RAB8B: variants seen among roughly 807,000 people sequenced by gnomAD.
The protein encoded by RAB8B is RAB8B, member RAS oncogene family, also known as ras-related protein Rab-8B.
In RAB8B, 11 loss-of-function variants were observed where a neutral mutation model predicts 32.0. The ratio of observed to expected loss-of-function variants is 0.34; its 90% CI spans 0.22 to 0.57. RAB8B has a LOEUF of 0.57. Among genes scored for constraint, RAB8B ranks in the 20% least tolerant of loss-of-function variants. RAB8B has a pLI of 0.86. For missense variants in RAB8B, 190 were observed against 258.5 expected (o/e 0.73, Z 1.82); for synonymous variants, 103 against 89.6 (o/e 1.15, Z -0.85).
chr15:63,240,167 C>T (rs2038020358), intron 1 of RAB8B, among the ~76,000 whole-genome samples: 1 of 152,124 alleles, frequency 6.6e-6, no homozygotes, highest in Non-Finnish European at 1.5e-5. Flanking sequence ...TCCACGGCTT[C>T]TTAAATAGTG....
intron 1 of RAB8B, 73 bp downstream of exon 1, chr15:63,189,821 G>A: frequency 1.5e-6 from 2 of 1,376,902 alleles, no homozygotes; most frequent in South Asian, 1.3e-5. Context: ...GGAAAGGGCG[G>A]GGGGCGCTTG....
At chr15:63,258,378 C>T (rs1427571051) in intron 5 of RAB8B, among the ~76,000 whole-genome samples, 1 of 152,170 alleles carries the variant, frequency 6.6e-6, no homozygotes, top group Non-Finnish European at 1.5e-5. Context: ...GCTGGGATTA[C>T]AGGCGTGAGC....
At chr15:63,202,584 AGT>A (rs992548323) in intron 1 of RAB8B, among the ~76,000 whole-genome samples, 1 of 152,170 alleles carries the variant, frequency 6.6e-6, no homozygotes, top group Non-Finnish European at 1.5e-5. Context: ...CAGAAATCTC[AGT>A]GTTGTCTGTC....
intron 1 of RAB8B, among the ~76,000 whole-genome samples, chr15:63,240,806 CAAAAAAAA>C (rs11312318): frequency 8.8e-6 from 1 of 113,802 alleles, no homozygotes; most frequent in South Asian, 2.7e-4. Flanking sequence ...ATGTTCCTAA[CAAAAAAAA>C]AAAAAAAAAA....
chr15:63,212,056 C>T (rs1000564345), intron 1 of RAB8B, among the ~76,000 whole-genome samples: 1 of 152,080 alleles, frequency 6.6e-6, no homozygotes, highest in Non-Finnish European at 1.5e-5. Context: ...TGGTCTTGAA[C>T]TCCTGGGCTC....
rs547973551 is a variant in RAB8B, at chr15:63,252,811, C to T, written c.247-2696C>T. On this transcript the variant is annotated intron_variant, in intron 3 of 7. Coordinates refer to ENST00000321437, the MANE Select transcript of RAB8B (RefSeq NM_016530.3). ...TTGCCCAGGCTGGAGTGCAATGGCA[C>T]GATCTCGGCTCACTGCAACCTCCAC... Among the ~76,000 whole-genome samples, 57 of 150,798 alleles carry T rather than the reference C, an allele frequency of 3.8e-4. 2 individuals are homozygous for T. Among genetic ancestry groups the T allele is most frequent in the Admixed American group, 2.1e-3 (32 of 15,196 alleles).
Position 63,189,648 on chromosome 15 carries a change from C to G in RAB8B, c.24C>G (p.Leu8=). The change falls in exon 1 of 8, where the codon CTC becomes CTG. Residue 8 remains leucine (L), a synonymous_variant. Transcript: ENST00000321437. MAKTYDY[L]FKLLLIGDSG... ...AGATGGCGAAGACGTACGATTATCT[C>G]TTCAAGCTCCTGCTGATCGGCGACT... The G allele has an allele frequency of 6.2e-7, 1 of 1,614,002 alleles. No individual in the cohort carries two copies. Among genetic ancestry groups the G allele is most frequent in the Non-Finnish European group, 8.5e-7 (1 of 1,179,914 alleles).
intron 1 of RAB8B, among the ~76,000 whole-genome samples, chr15:63,220,213 T>C (rs756835829): frequency 5.3e-5 from 8 of 152,246 alleles, no homozygotes; most frequent in African/African-American, 1.9e-4. Context: ...GTGGTTAGAA[T>C]TGAGACAATG....
In RAB8B at chr15:63,263,990, A is replaced by G. The variant is rs1439607491; in HGVS notation, c.*371A>G. 1 of 168,870 alleles carries G rather than the reference A, an allele frequency of 5.9e-6. No homozygotes were observed. Among genetic ancestry groups the G allele is most frequent in the Non-Finnish European group, 1.3e-5 (1 of 77,532 alleles). The allele number at this position is 168,870 out of a possible 1,614,324, so 10.5% of individuals were successfully genotyped here. A position where few individuals can be genotyped will look rare whatever the true frequency, so the allele number is the denominator to read the frequency against. On this transcript the variant is annotated 3_prime_UTR_variant, in exon 8 of 8. Coordinates refer to ENST00000321437, the MANE Select transcript of RAB8B (RefSeq NM_016530.3). The stretch of plus-strand genomic sequence containing the variant: ...ACACTTTTGTGTCGTGAAGTTCTAG[A>G]CAAATTTGTACATGTGGCAATGTTA...
At chr15:63,246,168 C>T (rs1345242148) in intron 2 of RAB8B, among the ~76,000 whole-genome samples, 1 of 152,194 alleles carries the variant, frequency 6.6e-6, no homozygotes, top group Non-Finnish European at 1.5e-5. Flanking sequence ...CCACTGCACC[C>T]GGCCAATAAA....
chr15:63,219,048 C>T (rs1308503705), intron 1 of RAB8B, among the ~76,000 whole-genome samples: 1 of 118,182 alleles, frequency 8.5e-6, no homozygotes, highest in Non-Finnish European at 1.6e-5. Flanking sequence ...GGAAAGAGAT[C>T]ACCAGGTGCC....
intron 1 of RAB8B, 70 bp downstream of exon 1, chr15:63,189,818 G>T (rs1674672405): frequency 1.3e-6 from 1 of 769,274 alleles, no homozygotes; most frequent in Non-Finnish European, 1.9e-6. Flanking sequence ...CGGGGAAAGG[G>T]CGGGGGGCGC....
chr15:63,236,102 A>G (rs117034065), intron 1 of RAB8B, among the ~76,000 whole-genome samples: 4,575 of 152,316 alleles, frequency 0.03, 121 homozygotes, highest in Non-Finnish European at 0.048. Flanking sequence ...TTAGCCACAC[A>G]GACAGGACTG....
intron 1 of RAB8B, among the ~76,000 whole-genome samples, chr15:63,226,317 G>A (rs191454576): frequency 1.3e-5 from 2 of 152,242 alleles, no homozygotes; most frequent in East Asian, 1.9e-4. Context: ...TCAGTTTTCT[G>A]TTCTACAATT....
chr15:63,206,719 T>C (rs1477314654), intron 1 of RAB8B, among the ~76,000 whole-genome samples: 1 of 152,048 alleles, frequency 6.6e-6, no homozygotes, highest in African/African-American at 2.4e-5. Context: ...TCATTCTACA[T>C]AGGATATCCC....
intron 2 of RAB8B, among the ~76,000 whole-genome samples, chr15:63,246,018 A>G (rs972488267): frequency 3.0e-4 from 45 of 152,114 alleles, no homozygotes; most frequent in Admixed American, 2.8e-3. Context: ...GATTACAGGC[A>G]TGCGCTACCA....
intron 1 of RAB8B, among the ~76,000 whole-genome samples, chr15:63,232,918 TAAAC>T (rs905776857): frequency 1.4e-5 from 2 of 146,152 alleles, no homozygotes; most frequent in African/African-American, 5.0e-5. Flanking sequence ...TTAATATAAA[TAAAC>T]AAAAATTTAA....
intron 3 of RAB8B, among the ~76,000 whole-genome samples, chr15:63,251,096 A>G (rs534677552): frequency 9.2e-5 from 14 of 152,100 alleles, no homozygotes; most frequent in Admixed American, 5.9e-4. Flanking sequence ...GAAGTGTACC[A>G]CTAACCATTT....
In RAB8B at chr15:63,244,739, CT is replaced by C. The variant is rs771770917; in HGVS notation, c.125-14del. The C allele has an allele frequency of 3.3e-6, 5 of 1,537,690 alleles. No homozygotes were observed. The highest frequency in any genetic ancestry group is 4.5e-6 in the Non-Finnish European group (5 of 1,116,154). ...ATCTGAAGAAACTTAACATATCTTT[CT>C]TTGTTTTTCTGGCAGGAATTGATTT... On this transcript the variant is annotated splice_polypyrimidine_tract_variant and intron_variant, in intron 1 of 7. Coordinates refer to ENST00000321437, the MANE Select transcript of RAB8B (RefSeq NM_016530.3).
Sources: gnomAD v4.1 joint callset for allele counts (sites outside exome capture counted in the v4.1 genomes callset) on GRCh38, gnomAD v4.1.1 for gene constraint, MANE v1.5 for transcripts, NCBI Gene and HGNC (gene_info 2026-07-23, HGNC 2026-07-21) for gene names.